The following RASSF3 variants were observed in gnomAD, a reference collection of about 807,000 sequenced individuals.
The protein encoded by RASSF3 is Ras association domain family member 3, also known as ras association domain-containing protein 3.
Under a neutral mutation model 19.9 loss-of-function variants are expected in RASSF3, and 19 were observed. The observed-to-expected ratio is 0.96, with a 90% CI of 0.67 to 1.40. The LOEUF (loss-of-function observed/expected upper bound fraction) is 1.40, where lower values mean the gene tolerates loss of function less well. Among genes scored for constraint, RASSF3 ranks in the 40% most tolerant of loss-of-function variants. RASSF3 has a pLI of 0.00. For synonymous variants in RASSF3, 110 were observed against 104.2 expected (o/e 1.06, Z -0.34); for missense variants, 306 against 289.8 (o/e 1.06, Z -0.41).
chr12:64,508,386 T>A (rs1868304687), intron 1 of RASSF3, among the ~76,000 whole-genome samples: 1 of 151,576 alleles, frequency 6.6e-6, no homozygotes, highest in South Asian at 2.1e-4. Context: ...GCATGGTGGC[T>A]GGTGCCTGTA....
intron 4 of RASSF3, among the ~76,000 whole-genome samples, chr12:64,693,664 C>T (rs748920352): frequency 9.2e-5 from 14 of 152,282 alleles, no homozygotes; most frequent in Non-Finnish European, 2.1e-4. Flanking sequence ...AACTTCTGGG[C>T]TCAAATGATC....
At chr12:64,578,324 C>T (rs1869631251) in intron 2 of RASSF3, among the ~76,000 whole-genome samples, 1 of 152,138 alleles carries the variant, frequency 6.6e-6, no homozygotes. Context: ...ATTCCAACGA[C>T]ATCCCCAGGG....
intron 1 of RASSF3, among the ~76,000 whole-genome samples, chr12:64,650,408 CTTTTTTTTTTTT>C (rs67304103): frequency 7.0e-5 from 6 of 85,470 alleles, no homozygotes; most frequent in East Asian, 7.2e-4. Context: ...TTTTTTTTTC[CTTTTTTTTTTTT>C]TTTTTTTTTT....
intron 1 of RASSF3, among the ~76,000 whole-genome samples, chr12:64,641,999 C>T (rs1241628524): frequency 6.6e-6 from 1 of 151,992 alleles, no homozygotes; most frequent in Admixed American, 6.6e-5. Flanking sequence ...ATCTTGGCCT[C>T]CCAAAGTGCT....
intron 1 of RASSF3, among the ~76,000 whole-genome samples, chr12:64,674,370 C>T (rs1592461785): frequency 1.3e-5 from 2 of 152,302 alleles, no homozygotes; most frequent in Admixed American, 1.3e-4. Context: ...ATGGAGCCCT[C>T]TTCTATATCC....
intron 1 of RASSF3, among the ~76,000 whole-genome samples, chr12:64,613,197 C>G (rs1795617): frequency 0.78 from 119,075 of 152,044 alleles, 46,812 homozygotes; most frequent in South Asian, 0.84. Flanking sequence ...TTTTATCTAA[C>G]GTTAGATAAG....
At chr12:64,650,089 C>T (rs957857100) in intron 1 of RASSF3, among the ~76,000 whole-genome samples, 1 of 152,224 alleles carries the variant, frequency 6.6e-6, no homozygotes, top group African/African-American at 2.4e-5. Flanking sequence ...TGTCTCTTGT[C>T]ATGTAGATGA....
chr12:64,685,041 C>T, intron 2 of RASSF3, 147 bp downstream of exon 2: 1 of 537,682 alleles, frequency 1.9e-6, no homozygotes, highest in African/African-American at 1.9e-5. Flanking sequence ...TGGAATATTT[C>T]TGTGGCTTTC....
chr12:64,660,006 G>GTATA (rs10680087), intron 1 of RASSF3, among the ~76,000 whole-genome samples: 2 of 125,750 alleles, frequency 1.6e-5, no homozygotes, highest in Non-Finnish European at 1.7e-5. Flanking sequence ...ATGTGTGCGT[G>GTATA]TATATATATG....
chr12:64,687,249 G>A (rs1338599149), intron 2 of RASSF3, among the ~76,000 whole-genome samples: 1 of 151,966 alleles, frequency 6.6e-6, no homozygotes, highest in Non-Finnish European at 1.5e-5. Flanking sequence ...TGGTCTGCTC[G>A]CCTCGGCCTC....
intron 1 of RASSF3, among the ~76,000 whole-genome samples, chr12:64,536,929 A>T (rs1868839169): frequency 6.6e-6 from 1 of 152,228 alleles, no homozygotes; most frequent in Non-Finnish European, 1.5e-5. Flanking sequence ...GCCTACGCCT[A>T]AAACCCACTC....
At chr12:64,532,235 C>T (rs1404956024), upstream of RASSF3, among the ~76,000 whole-genome samples, 1 of 152,176 alleles carries the variant, frequency 6.6e-6, no homozygotes, top group African/African-American at 2.4e-5. Context: ...TATTTACAGG[C>T]CTGGTTGAAG....
intron 1 of RASSF3, among the ~76,000 whole-genome samples, chr12:64,612,999 A>T (rs570721112): frequency 6.6e-6 from 1 of 152,312 alleles, no homozygotes; most frequent in East Asian, 1.9e-4. Context: ...AACATAACAC[A>T]TGTAAGGTGC....
At chr12:64,687,514 G>A (rs1223121372) in intron 2 of RASSF3, among the ~76,000 whole-genome samples, 21 of 149,326 alleles carry the variant, frequency 1.4e-4, no homozygotes, top group Admixed American at 9.4e-4. Flanking sequence ...TTGCTCTGTC[G>A]CCCAGGCTGG....
chr12:64,528,287 TA>T (rs1868632974), upstream of RASSF3, among the ~76,000 whole-genome samples: 3 of 152,086 alleles, frequency 2.0e-5, no homozygotes, highest in African/African-American at 7.2e-5. Flanking sequence ...AAAAGAATTT[TA>T]AAAAAGAAAT....
intron 1 of RASSF3, among the ~76,000 whole-genome samples, chr12:64,682,675 T>A (rs1471876948): frequency 1.3e-5 from 2 of 152,032 alleles, no homozygotes; most frequent in African/African-American, 4.8e-5. Flanking sequence ...AGCCTTTTCT[T>A]ACTCTACGTG....
At chr12:64,525,592 C>T (rs1052885399) in intron 1 of RASSF3, among the ~76,000 whole-genome samples, 1 of 152,152 alleles carries the variant, frequency 6.6e-6, no homozygotes, top group African/African-American at 2.4e-5. Context: ...CAGCCTTTTT[C>T]AGTTCCATCT....
chr12:64,635,871 G>A (rs1871312384), intron 1 of RASSF3, among the ~76,000 whole-genome samples: 1 of 152,138 alleles, frequency 6.6e-6, no homozygotes, highest in African/African-American at 2.4e-5. Context: ...CTAGTTTGAA[G>A]TCAAATAGTA....
At chr12:64,528,261 C>G (rs758486068) in intron 1 of RASSF3, among the ~76,000 whole-genome samples, 2 of 152,176 alleles carry the variant, frequency 1.3e-5, no homozygotes, top group Non-Finnish European at 2.9e-5. Context: ...AGACAGAACA[C>G]AAGACCCTGT....
Sources: allele counts gnomAD v4.1 joint callset (sites outside exome capture counted in the v4.1 genomes callset), GRCh38; gene constraint gnomAD v4.1.1; transcripts MANE v1.5; gene names NCBI Gene and HGNC (gene_info 2026-07-23, HGNC 2026-07-21).